KIF6: variants seen among roughly 807,000 people sequenced by gnomAD.
KIF6 encodes kinesin family member 6, also known as kinesin-like protein KIF6.
KIF6 carries 106 observed loss-of-function variants against 112.7 expected under a neutral mutation model. The observed-to-expected ratio is 0.94, with a 90% CI of 0.80 to 1.11. The LOEUF (loss-of-function observed/expected upper bound fraction) is 1.11. KIF6 is among the 50% of genes least tolerant of loss of function. KIF6 has a pLI of 0.00. For synonymous variants in KIF6, 339 were observed against 339.9 expected (o/e 1.00, Z 0.03); for missense variants, 929 against 964.0 (o/e 0.96, Z 0.48).
intron 15 of KIF6, among the ~76,000 whole-genome samples, chr6:39,413,055 A>G (rs1051598402): frequency 3.9e-5 from 6 of 152,176 alleles, no homozygotes; most frequent in Middle Eastern, 3.4e-3. Context: ...CATTATTTTT[A>G]ATAGGGTTGT....
intron 3 of KIF6, among the ~76,000 whole-genome samples, chr6:39,705,864 C>A (rs1168755731): frequency 2.6e-5 from 4 of 152,180 alleles, no homozygotes; most frequent in Non-Finnish European, 5.9e-5. Context: ...CGCTTTCTCA[C>A]TTCCCTACTG....
chr6:39,453,009 G>A (rs541574533), intron 13 of KIF6, among the ~76,000 whole-genome samples: 1 of 152,328 alleles, frequency 6.6e-6, no homozygotes, highest in East Asian at 1.9e-4. Context: ...TAAAGAATCA[G>A]TGATGACGGA....
intron 18 of KIF6, among the ~76,000 whole-genome samples, chr6:39,359,232 T>C (rs563366917): frequency 2.6e-5 from 4 of 152,294 alleles, no homozygotes; most frequent in African/African-American, 7.2e-5. Flanking sequence ...AGGGATCTGA[T>C]TGTGCGTATT....
chr6:39,595,856 T>G (rs1239421913), intron 7 of KIF6, among the ~76,000 whole-genome samples, 198 bp downstream of exon 7: 1 of 152,138 alleles, frequency 6.6e-6, no homozygotes, highest in East Asian at 1.9e-4. Flanking sequence ...CAGAAATGGA[T>G]AGTGCCAATG....
intron 3 of KIF6, among the ~76,000 whole-genome samples, chr6:39,697,121 G>A (rs1281400072): frequency 6.6e-6 from 1 of 152,110 alleles, no homozygotes; most frequent in Non-Finnish European, 1.5e-5. Context: ...TGCCAAGTTT[G>A]TTTTCTTATC....
At chr6:39,528,027 T>A (rs188290610) in intron 13 of KIF6, among the ~76,000 whole-genome samples, 49 of 152,328 alleles carry the variant, frequency 3.2e-4, no homozygotes, top group African/African-American at 9.4e-4. Context: ...TTATTTATTA[T>A]ATTCATTATG....
At position 39,342,788 on chromosome 6, in the gene KIF6, C is replaced by T. The variant is rs946515393; in HGVS notation, c.2428+921G>A. The T allele has an allele frequency of 2.0e-6, 2 of 985,268 alleles. No homozygotes were observed. Among genetic ancestry groups the T allele is most frequent in the Non-Finnish European group, 2.4e-6 (2 of 829,906 alleles). The allele number at this position is 985,268 out of a possible 1,614,324, so 61.0% of individuals were successfully genotyped here. A position where few individuals can be genotyped will look rare whatever the true frequency, so the allele number is the denominator to read the frequency against. On this transcript the variant is annotated intron_variant, in intron 22 of 22. Transcript: ENST00000287152. The surrounding 1 kb of genome is among the most constrained non-coding windows in gnomAD (Gnocchi z 4.7). ...GGCTGGCGGCCAAGCAAGGCGAGTA[C>T]AGGACCAAGGCCGGCTCTCAGTTGC...
In KIF6 at chr6:39,509,385, TGAGTTGA is replaced by T. The variant is rs1249336811; in HGVS notation, c.1645+30611_1645+30617del. 9.2e-5 allele frequency among the ~76,000 whole-genome samples: 14 copies of T among 152,314 alleles called. No individual in the cohort carries two copies. The East Asian group carries it at 2.5e-3, about 27-fold the overall frequency. The stretch of plus-strand genomic sequence containing the variant: ...AAAACTGGATGGAGAATGAGTTTGA[TGAGTTGA>T]GAGAAGTAGGCTTCAGAAGGTTGGT... On this transcript the variant is annotated intron_variant, in intron 13 of 22. Coordinates refer to ENST00000287152, the MANE Select transcript of KIF6 (RefSeq NM_145027.6).
At chr6:39,690,702 G>A (rs1184921613) in intron 3 of KIF6, 1 of 152,250 alleles carries the variant, frequency 6.6e-6, no homozygotes, top group East Asian at 1.9e-4. Flanking sequence ...AGGTAACCTA[G>A]GAGTGTCAAG....
chr6:39,495,340 TG>T (rs765031266), intron 13 of KIF6, among the ~76,000 whole-genome samples: 5 of 152,168 alleles, frequency 3.3e-5, no homozygotes, highest in Non-Finnish European at 5.9e-5. Flanking sequence ...CGCGTGTCCC[TG>T]GAAGAGGAAG....
chr6:39,377,066 T>C (rs865951504), intron 16 of KIF6, among the ~76,000 whole-genome samples: 1 of 152,034 alleles, frequency 6.6e-6, no homozygotes, highest in Non-Finnish European at 1.5e-5. Flanking sequence ...CCCCTTCCGT[T>C]GTTTTCTCTT....
At chr6:39,499,440 G>T (rs1304804184) in intron 13 of KIF6, among the ~76,000 whole-genome samples, 2 of 152,152 alleles carry the variant, frequency 1.3e-5, no homozygotes, top group Non-Finnish European at 2.9e-5. Context: ...CCAAGCCTGG[G>T]GAGGGGAGAA....
At chr6:39,346,342 T>A (rs1763802381) in intron 20 of KIF6, 134 bp downstream of exon 20, 1 of 703,594 alleles carries the variant, frequency 1.4e-6, no homozygotes, top group South Asian at 1.5e-5. Flanking sequence ...GGTGATTAAG[T>A]CATGAAGGTA....
intron 3 of KIF6, among the ~76,000 whole-genome samples, chr6:39,707,416 A>G (rs993985679): frequency 6.6e-6 from 1 of 152,192 alleles, no homozygotes; most frequent in African/African-American, 2.4e-5. Flanking sequence ...ATTTTGTCTG[A>G]GCCCACTGGT....
chr6:39,689,139 GAAAGA>G (rs1303576656), intron 3 of KIF6, among the ~76,000 whole-genome samples: 2 of 151,848 alleles, frequency 1.3e-5, no homozygotes, highest in Non-Finnish European at 2.9e-5. Context: ...AAAAGACAAG[GAAAGA>G]AAAGAAAAGA....
chr6:39,487,719 C>T (rs368295899), intron 13 of KIF6, among the ~76,000 whole-genome samples: 2 of 152,204 alleles, frequency 1.3e-5, no homozygotes, highest in East Asian at 1.9e-4. Flanking sequence ...TTTTGTTTTG[C>T]GAATGGGCAG....
intron 20 of KIF6, among the ~76,000 whole-genome samples, chr6:39,346,061 T>TCTCTCTCTCG (rs1763703062): frequency 1.3e-4 from 2 of 15,978 alleles, no homozygotes; most frequent in Non-Finnish European, 2.2e-4. Flanking sequence ...TCTCTCTCTC[T>TCTCTCTCTCG]CTCTCTCTCT....
chr6:39,356,796 G>T (rs1200858907), intron 19 of KIF6, among the ~76,000 whole-genome samples: 2 of 152,108 alleles, frequency 1.3e-5, no homozygotes, highest in African/African-American at 4.8e-5. Flanking sequence ...AGTCCCTGCT[G>T]GTCATCCCAT....
intron 13 of KIF6, among the ~76,000 whole-genome samples, chr6:39,511,800 G>C (rs1776803067): frequency 6.6e-6 from 1 of 152,204 alleles, no homozygotes; most frequent in Admixed American, 6.5e-5. Flanking sequence ...AAGGAACATA[G>C]ATGAAGCTGG....
Sources: gnomAD v4.1 joint callset for allele counts (sites outside exome capture counted in the v4.1 genomes callset) on GRCh38, gnomAD v4.1.1 for gene constraint, Gnocchi (gnomAD v3.1) non-coding constraint, MANE v1.5 for transcripts, NCBI Gene and HGNC (gene_info 2026-07-23, HGNC 2026-07-21) for gene names.